Variants in DDX27 observed in about 807,000 individuals in gnomAD.
The protein encoded by DDX27 is DEAD-box helicase 27.
A neutral mutation model predicts 99.3 loss-of-function variants in DDX27; 42 were observed. The ratio of observed to expected loss-of-function variants is 0.42; its 90% confidence interval spans 0.33 to 0.55. The LOEUF (loss-of-function observed/expected upper bound fraction) is 0.55. Among genes scored for constraint, DDX27 ranks in the 20% least tolerant of loss-of-function variants. The pLI, the probability that DDX27 is intolerant of heterozygous loss-of-function variation, is 0.07. For missense variants in DDX27, 798 were observed against 976.8 expected (o/e 0.82, Z 2.44); for synonymous variants, 329 against 353.8 (o/e 0.93, Z 0.79).
intron 16 of DDX27, among the ~76,000 whole-genome samples, chr20:49,241,332 A>G (rs983309758): frequency 6.6e-6 from 1 of 152,204 alleles, no homozygotes; most frequent in East Asian, 1.9e-4. Context: ...ATTGGTGGGT[A>G]AAGTAGTAAA....
At chr20:49,230,491 G>GGCAGA in intron 9 of DDX27, 142 bp downstream of exon 9, 2 of 952,912 alleles carry the variant, frequency 2.1e-6, no homozygotes, top group Non-Finnish European at 3.0e-6. Flanking sequence ...ACTTGTGCTG[G>GGCAGA]GGCCTCTGCC....
intron 7 of DDX27, 83 bp from the exon 8 acceptor site, chr20:49,228,629 CGTA>C (rs1187970804): frequency 2.1e-5 from 26 of 1,239,834 alleles, no homozygotes; most frequent in Non-Finnish European, 8.8e-6. Context: ...CCCAACCAGA[CGTA>C]GTTTTTCTGT....
chr20:49,228,025 G>C (rs1979963449), intron 7 of DDX27, among the ~76,000 whole-genome samples: 1 of 151,786 alleles, frequency 6.6e-6, no homozygotes, highest in African/African-American at 2.4e-5. Context: ...ATTTTTAGTA[G>C]AGACAGGGTT....
intron 14 of DDX27, among the ~76,000 whole-genome samples, chr20:49,237,699 T>C (rs1980350418): frequency 6.6e-6 from 1 of 152,188 alleles, no homozygotes. Context: ...TCTGCACAGC[T>C]GGCATTGGAG....
intron 1 of DDX27, 69 bp downstream of exon 1, chr20:49,219,610 GT>G: frequency 6.8e-7 from 1 of 1,478,032 alleles, no homozygotes; most frequent in Non-Finnish European, 9.1e-7. Context: ...TCAGGTCCCT[GT>G]CCCCGAATCC....
chr20:49,225,720 G>C (rs1310697570), intron 6 of DDX27, among the ~76,000 whole-genome samples: 1 of 152,136 alleles, frequency 6.6e-6, no homozygotes, highest in Admixed American at 6.6e-5. Flanking sequence ...CTCCCAAAGT[G>C]CTGGGACTAC....
chr20:49,219,479 A>G lies in DDX27; in HGVS notation c.31A>G (p.Ile11Val), dbSNP rs766167797. 18 of 1,614,076 alleles carry G rather than the reference A, an allele frequency of 1.1e-5. No homozygotes were observed. Among genetic ancestry groups the G allele is most frequent in the East Asian group, 2.2e-5 (1 of 44,868 alleles). MLADLGLIGTIGEDDEVPVEP... is the reference protein window; with the variant it reads MLADLGLIGTVGEDDEVPVEP... ...TGCGGACCTCGGCTTAATCGGAACCATAGGCGAGGATGACGAGGTGCCGGT... is the reference window on the plus strand; with the variant it reads ...TGCGGACCTCGGCTTAATCGGAACCGTAGGCGAGGATGACGAGGTGCCGGT... The change falls in exon 1 of 21, where the codon ATA becomes GTA. Residue 11 changes from isoleucine to valine, a missense_variant. Around this residue, in one of 2 missense-constraint regions of DDX27, gnomAD observed 245 missense variants for 248.8 expected, o/e 0.98. Transcript: ENST00000618172.
intron 8 of DDX27, 29 bp downstream of exon 8, chr20:49,228,917 C>T (rs1568973690): frequency 1.3e-6 from 2 of 1,553,796 alleles, no homozygotes; most frequent in Admixed American, 3.6e-5. Context: ...GCTGCCAGCC[C>T]CTGAGAGACT....
intron 7 of DDX27, 139 bp downstream of exon 7, chr20:49,226,674 A>G (rs986507949): frequency 5.3e-6 from 3 of 567,406 alleles, no homozygotes; most frequent in African/African-American, 1.9e-5. Flanking sequence ...TTTATTTTGT[A>G]GAGATAGGGG....
Position 49,242,128 on chromosome 20 carries a change from G to A in DDX27, c.2038G>A (p.Ala680Thr), listed in dbSNP as rs1380718116. 1 of 1,614,116 alleles carries A rather than the reference G, an allele frequency of 6.2e-7. No individual in the cohort carries two copies. The highest frequency in any genetic ancestry group is 1.7e-5 in the Admixed American group (1 of 60,004). The change falls in exon 18 of 21, where the codon GCT (alanine) becomes ACT (threonine). Residue 680 changes from alanine (A) to threonine (T), a missense_variant. Transcript: ENST00000618172. ...TGAAATCCTCAAGGCGCAGATGTTTGCTGAACGGCTAGCGAAGAGGAATCG... is the reference window on the plus strand; with the variant it reads ...TGAAATCCTCAAGGCGCAGATGTTTACTGAACGGCTAGCGAAGAGGAATCG... Reference protein sequence around the residue: ...QFEILKAQMFAERLAKRNRRA... With the variant: ...QFEILKAQMFTERLAKRNRRA...
intron 10 of DDX27, 22 bp from the exon 11 acceptor site, chr20:49,233,546 A>T (rs1980197907): frequency 1.2e-6 from 2 of 1,608,654 alleles, no homozygotes; most frequent in Non-Finnish European, 1.7e-6. Context: ...GAGCTGAGGA[A>T]ACCTGGCTTT....
chr20:49,225,286 A>C, intron 6 of DDX27, 87 bp downstream of exon 6: 1 of 1,132,096 alleles, frequency 8.8e-7, no homozygotes, highest in Non-Finnish European at 1.3e-6. Context: ...GGCATCAAGC[A>C]ATCCTCTTGC....
chr20:49,240,790 T>C (rs1473896643), intron 16 of DDX27, among the ~76,000 whole-genome samples: 1 of 152,006 alleles, frequency 6.6e-6, no homozygotes, highest in African/African-American at 2.4e-5. Flanking sequence ...TTGAGGGACA[T>C]TGAGGTTGTT....
intron 7 of DDX27, 25 bp from the exon 8 acceptor site, chr20:49,228,690 G>A: frequency 6.4e-7 from 1 of 1,569,090 alleles, no homozygotes; most frequent in East Asian, 2.3e-5. Context: ...TCTTCTCATT[G>A]CTTCCTTGCT....
chr20:49,240,172 T>C (rs1400316608), intron 16 of DDX27, among the ~76,000 whole-genome samples: 1 of 152,216 alleles, frequency 6.6e-6, no homozygotes, highest in Non-Finnish European at 1.5e-5. Flanking sequence ...GGTTGTACAA[T>C]GTTGTGAATG....
Position 49,238,869 on chromosome 20 carries a change from C to T in DDX27, c.1688-80C>T, listed in dbSNP as rs530410221. 9.4e-5 allele frequency: 97 copies of T among 1,027,328 alleles called. 1 individual carries two copies. In the South Asian group the frequency reaches 1.3e-3, roughly 14 times the overall value. 63.6% of individuals were successfully genotyped at this position (1,027,328 alleles called of 1,614,324 possible). A position where few individuals can be genotyped will look rare whatever the true frequency, so the allele number is the denominator to read the frequency against. Reference sequence around the variant, plus strand: ...AAGCAATCCTCCCACCTCAATCTCCCAGAGTGCCGGGTTACAGGTGTGAGC... The same window carrying T: ...AAGCAATCCTCCCACCTCAATCTCCTAGAGTGCCGGGTTACAGGTGTGAGC... On this transcript the variant is annotated intron_variant, in intron 14 of 20. Coordinates refer to ENST00000618172, the MANE Select transcript of DDX27 (RefSeq NM_017895.8).
Position 49,243,896 on chromosome 20 carries a change from T to C in DDX27, c.*62T>C. The C allele has an allele frequency of 6.3e-7, 1 of 1,584,850 alleles. No individual in the cohort carries two copies. Among genetic ancestry groups the C allele is most frequent in the Non-Finnish European group, 8.6e-7 (1 of 1,158,768 alleles). On this transcript the variant is annotated 3_prime_UTR_variant, in exon 21 of 21. Transcript: ENST00000618172. ...TAAATCCCTTCCCTGTGGGAAGTCATCCTGGCTGGTCTGTCTTTTCTCCAT... is the reference window on the plus strand; with the variant it reads ...TAAATCCCTTCCCTGTGGGAAGTCACCCTGGCTGGTCTGTCTTTTCTCCAT...
Position 49,226,537 on chromosome 20 carries a change from TG to T in DDX27, c.706+3del. The T allele has an allele frequency of 6.2e-7, 1 of 1,612,960 alleles. No individual in the cohort carries two copies. Among genetic ancestry groups the T allele is most frequent in the Non-Finnish European group, 8.5e-7 (1 of 1,179,206 alleles). The stretch of plus-strand genomic sequence containing the variant: ...GTGCCTGTGCAGCCACTGGGACAGG[TG>T]AAAAGGATAGGGACCCAGGGTGGGC... On this transcript the variant is annotated splice_donor_region_variant and intron_variant, in intron 7 of 20. Transcript: ENST00000618172.
At chr20:49,241,009 C>T (rs1037604090) in intron 16 of DDX27, among the ~76,000 whole-genome samples, 2 of 152,092 alleles carry the variant, frequency 1.3e-5, no homozygotes, top group Non-Finnish European at 2.9e-5. Context: ...AATGAGACCC[C>T]GACTCAAACC....
Sources: gnomAD v4.1 joint callset for allele counts (sites outside exome capture counted in the v4.1 genomes callset) on GRCh38, gnomAD v4.1.1 for gene constraint, gnomAD v4.1.1 regional missense constraint, MANE v1.5 for transcripts, NCBI Gene and HGNC (gene_info 2026-07-23, HGNC 2026-07-21) for gene names.